The following TRPC6 variants were observed in gnomAD, a reference collection of about 807,000 sequenced individuals.
TRPC6 encodes transient receptor potential cation channel subfamily C member 6.
Under a neutral mutation model 90.7 loss-of-function variants are expected in TRPC6, and 55 were observed. The ratio of observed to expected loss-of-function variants is 0.61; its 90% CI spans 0.49 to 0.76. The LOEUF (loss-of-function observed/expected upper bound fraction) is 0.76. Ranked by LOEUF, TRPC6 falls within the 30% of genes least tolerant of loss-of-function variation. The pLI is 0.00. For synonymous variants in TRPC6, 393 were observed against 393.0 expected, an observed-to-expected ratio of 1.00 and a Z score of 0.00; for missense variants, 989 against 1,122.7, an observed-to-expected ratio of 0.88 and a Z score of 1.70.
intron 1 of TRPC6, among the ~76,000 whole-genome samples, chr11:101,512,193 T>C (rs1421680239): frequency 2.0e-5 from 3 of 152,126 alleles, no homozygotes; most frequent in Non-Finnish European, 4.4e-5. Context: ...TCACGAACTC[T>C]TCTCATTTCT....
At chr11:101,537,983 T>G (rs1861091043) in intron 1 of TRPC6, among the ~76,000 whole-genome samples, 1 of 152,210 alleles carries the variant, frequency 6.6e-6, no homozygotes, top group African/African-American at 2.4e-5. Flanking sequence ...TTGCAGTTCT[T>G]AGTATATTTT....
intron 1 of TRPC6, among the ~76,000 whole-genome samples, chr11:101,546,512 G>C (rs1320216334): frequency 6.6e-6 from 1 of 152,206 alleles, no homozygotes; most frequent in Non-Finnish European, 1.5e-5. Flanking sequence ...GAAGTGACCA[G>C]AGAAACCTGA....
Position 101,491,413 on chromosome 11 carries a change from G to A in TRPC6, c.1128+143C>T, listed in dbSNP as rs11224786. 203 of 1,076,008 alleles carry A rather than the reference G, an allele frequency of 1.9e-4. 1 individual carries two copies. In the East Asian group the frequency reaches 4.4e-3, roughly 23 times the overall value. The allele number at this position is 1,076,008 out of a possible 1,614,324, so 66.7% of individuals were successfully genotyped here. The stretch of plus-strand genomic sequence containing the variant: ...CGCACCACTGCACTCCAGACTGGGC[G>A]ACAGAGCGAGACTCCATCTCAAAAA... On this transcript the variant is annotated intron_variant, in intron 3 of 12. Coordinates refer to ENST00000344327, the MANE Select transcript of TRPC6 (RefSeq NM_004621.6).
chr11:101,478,935 G>A (rs1193094692), intron 5 of TRPC6, among the ~76,000 whole-genome samples: 1 of 152,062 alleles, frequency 6.6e-6, no homozygotes, highest in Non-Finnish European at 1.5e-5. Context: ...CTCTAGCAGA[G>A]GCAGGTTAAC....
intron 1 of TRPC6, among the ~76,000 whole-genome samples, chr11:101,529,214 T>G (rs1364641540): frequency 1.3e-5 from 2 of 152,170 alleles, no homozygotes; most frequent in Non-Finnish European, 2.9e-5. Context: ...TGAAGGGAGT[T>G]CACTGCCCAA....
At position 101,478,891 on chromosome 11, in the gene TRPC6, A is replaced by C. The variant is rs547084460; in HGVS notation, c.1511-2357T>G. Reference sequence around the variant, plus strand: ...ATTTCTTTTTACAAAAAACAACCAAAAAACCCACCTGCGTGCTCATTAAAT... The same window carrying C: ...ATTTCTTTTTACAAAAAACAACCAACAAACCCACCTGCGTGCTCATTAAAT... On this transcript the variant is annotated intron_variant, in intron 5 of 12. Transcript: ENST00000344327. 3.9e-5 allele frequency among the ~76,000 whole-genome samples: 6 copies of C among 152,250 alleles called. No homozygotes were observed. In the East Asian group the frequency reaches 1.2e-3, roughly 29 times the overall value.
At chr11:101,482,617 G>T (rs777510749) in intron 5 of TRPC6, among the ~76,000 whole-genome samples, 10 of 152,148 alleles carry the variant, frequency 6.6e-5, no homozygotes, top group Non-Finnish European at 1.3e-4. Flanking sequence ...GTAAAATTGT[G>T]GTTGTGTTTA....
At chr11:101,483,409 G>T (rs566196069) in intron 4 of TRPC6, among the ~76,000 whole-genome samples, 1 of 152,044 alleles carries the variant, frequency 6.6e-6, no homozygotes, top group Non-Finnish European at 1.5e-5. Context: ...TCTAATAAAG[G>T]ATATTTAAAT....
chr11:101,496,368 A>G (rs1171044706), intron 2 of TRPC6, among the ~76,000 whole-genome samples: 1 of 152,152 alleles, frequency 6.6e-6, no homozygotes, highest in Non-Finnish European at 1.5e-5. Flanking sequence ...TCTGCTCCTC[A>G]GGATAATTGT....
At chr11:101,567,172 C>G (rs1861854336) in intron 1 of TRPC6, among the ~76,000 whole-genome samples, 1 of 151,906 alleles carries the variant, frequency 6.6e-6, no homozygotes. Flanking sequence ...GTCACTCTAG[C>G]TAGGTGGGGG....
chr11:101,473,405 GAA>G (rs778572550), intron 7 of TRPC6, 102 bp downstream of exon 7: 13 of 1,343,334 alleles, frequency 9.7e-6, no homozygotes, highest in Non-Finnish European at 1.3e-5. Flanking sequence ...AACTAGAGAT[GAA>G]GTCTTTACCA....
chr11:101,543,305 T>C (rs956700053), intron 1 of TRPC6, among the ~76,000 whole-genome samples: 1 of 152,068 alleles, frequency 6.6e-6, no homozygotes. Flanking sequence ...CAATTTCTTA[T>C]AAAGTTCAAC....
At chr11:101,547,678 G>A (rs973006504) in intron 1 of TRPC6, among the ~76,000 whole-genome samples, 6 of 152,122 alleles carry the variant, frequency 3.9e-5, no homozygotes, top group Admixed American at 3.3e-4. Flanking sequence ...GACATACTAT[G>A]TTAACAGGTA....
At chr11:101,512,256 G>C (rs1309955499) in intron 1 of TRPC6, among the ~76,000 whole-genome samples, 1 of 152,132 alleles carries the variant, frequency 6.6e-6, no homozygotes, top group Non-Finnish European at 1.5e-5. Context: ...CCCTGCCTTA[G>C]TATTCTATGA....
chr11:101,555,434 C>T (rs1465448838), intron 1 of TRPC6, among the ~76,000 whole-genome samples: 1 of 152,152 alleles, frequency 6.6e-6, no homozygotes, highest in Non-Finnish European at 1.5e-5. Context: ...AATGTATTTG[C>T]TCATGACCTG....
intron 4 of TRPC6, among the ~76,000 whole-genome samples, chr11:101,488,388 T>TA (rs1302501135): frequency 1.3e-5 from 2 of 152,332 alleles, no homozygotes; most frequent in East Asian, 1.9e-4. Flanking sequence ...ACTTAGTCCC[T>TA]AAAAAATGTA....
At chr11:101,575,181 A>T (rs1456803851) in intron 1 of TRPC6, among the ~76,000 whole-genome samples, 1 of 152,200 alleles carries the variant, frequency 6.6e-6, no homozygotes, top group Non-Finnish European at 1.5e-5. Context: ...GCATTATAGC[A>T]TAGAAGCAGT....
chr11:101,469,760 A>G (rs965096584), intron 9 of TRPC6, among the ~76,000 whole-genome samples: 3 of 152,174 alleles, frequency 2.0e-5, no homozygotes, highest in Admixed American at 2.0e-4. Context: ...TTGCCACTCA[A>G]TCCACTGAGT....
At chr11:101,503,507 T>C (rs1291486535) in intron 2 of TRPC6, among the ~76,000 whole-genome samples, 1 of 152,170 alleles carries the variant, frequency 6.6e-6, no homozygotes, top group Non-Finnish European at 1.5e-5. Flanking sequence ...TACCTGGTAG[T>C]TTTGTTTATT....
Sources: gnomAD v4.1 joint callset for allele counts (sites outside exome capture counted in the v4.1 genomes callset) on GRCh38, gnomAD v4.1.1 for gene constraint, MANE v1.5 for transcripts, NCBI Gene and HGNC (gene_info 2026-07-23, HGNC 2026-07-21) for gene names.